MS4A13: variants seen among roughly 807,000 people sequenced by gnomAD.
MS4A13 encodes the protein membrane spanning 4-domains A13.
MS4A13 carries 21 observed loss-of-function variants against 18.4 expected under a neutral mutation model. The ratio of observed to expected loss-of-function variants is 1.14; its 90% CI spans 0.81 to 1.64. The LOEUF is 1.64. MS4A13 is among the 40% of genes most tolerant of loss of function. MS4A13 has a pLI of 0.00. For synonymous variants in MS4A13, 62 were observed against 57.2 expected, an observed-to-expected ratio of 1.08 and a Z score of -0.38; for missense variants, 173 against 176.8, an observed-to-expected ratio of 0.98 and a Z score of 0.12.
Position 60,542,631 on chromosome 11 carries a change from G to T in MS4A13, c.*56G>T, listed in dbSNP as rs2086870348. ...GCTGATGCCTGGTGTGGGTCCTAAT[G>T]ATATCTCTGTATAACAAAGCAGTTA... On this transcript the variant is annotated 3_prime_UTR_variant, in exon 7 of 7. Transcript: ENST00000378186. 9.0e-7 allele frequency: 1 copy of T among 1,116,774 alleles called. No homozygotes were observed. The highest frequency in any genetic ancestry group is 1.4e-5 in the South Asian group (1 of 71,276). The allele number at this position is 1,116,774 out of a possible 1,614,324, so 69.2% of individuals were successfully genotyped here.
chr11:60,538,917 A>C (rs1310311602), intron 6 of MS4A13, among the ~76,000 whole-genome samples: 1 of 130,790 alleles, frequency 7.6e-6, no homozygotes, highest in African/African-American at 2.9e-5. Context: ...GGCCACATGC[A>C]AGGACCAGAA....
chr11:60,519,859 G>A (rs927176129), intron 3 of MS4A13, among the ~76,000 whole-genome samples: 6 of 152,196 alleles, frequency 3.9e-5, no homozygotes, highest in African/African-American at 1.4e-4. Context: ...AGACCCAGGT[G>A]GGGTCAAAGG....
In MS4A13 at chr11:60,542,532, A is replaced by G. The variant is rs901826108; in HGVS notation, c.416A>G (p.Asn139Ser). The G allele has an allele frequency of 2.5e-6, 4 of 1,610,142 alleles. No homozygotes were observed. The highest frequency in any genetic ancestry group is 3.4e-6 in the Non-Finnish European group (4 of 1,177,878). ...CTTTTTTTCCAGTTTCGAAGACAAA[A>G]TGATCTTACATCTGTTACTGAGGAA... ...YSCSNLFRRQ[N>S]DLTSVTEEAE... Residue 139 changes from asparagine to serine, a missense_variant, in exon 7 of 7, where the codon AAT becomes AGT. By Grantham distance (46) the Asn-to-Ser change is conservative. Coordinates refer to ENST00000378186, the MANE Select transcript of MS4A13 (RefSeq NM_001012417.3).
At chr11:60,522,121 A>C (rs2086677905) in intron 3 of MS4A13, among the ~76,000 whole-genome samples, 1 of 151,986 alleles carries the variant, frequency 6.6e-6, no homozygotes, top group South Asian at 2.1e-4. Context: ...TCCCGCCCAC[A>C]ACACATGGGA....
chr11:60,518,756 G>C (rs945706638), intron 3 of MS4A13, among the ~76,000 whole-genome samples: 1 of 152,178 alleles, frequency 6.6e-6, no homozygotes, highest in Non-Finnish European at 1.5e-5. Context: ...TTGACCATTG[G>C]ATTTAGCAAT....
chr11:60,523,096 A>T lies in MS4A13; in HGVS notation c.130-801A>T, dbSNP rs541597089. ...GAGCTAGTTCTTACGTTCACTGTGT[A>T]CCTCCTTAGAAATCTCAGCTTTTGT... On this transcript the variant is annotated intron_variant, in intron 3 of 6. Coordinates refer to ENST00000378186, the MANE Select transcript of MS4A13 (RefSeq NM_001012417.3). Among the ~76,000 whole-genome samples the T allele has an allele frequency of 7.2e-5, 11 of 152,314 alleles. No homozygotes were observed. The East Asian group carries it at 2.1e-3, about 29-fold the overall frequency.
At chr11:60,532,186 G>A (rs1287411536) in intron 6 of MS4A13, among the ~76,000 whole-genome samples, 1 of 152,204 alleles carries the variant, frequency 6.6e-6, no homozygotes, top group Non-Finnish European at 1.5e-5. Flanking sequence ...GGCCGAATAG[G>A]AACAGCTCCG....
At position 60,525,237 on chromosome 11, in the gene MS4A13, T is replaced by C. The variant is rs1450756485; in HGVS notation, c.217T>C (p.Cys73Arg). Residue 73 changes from cysteine (C) to arginine (R), a missense_variant, in exon 5 of 7, where the codon TGC (cysteine) becomes CGC (arginine). Physicochemically the swap from Cys to Arg is radical, Grantham distance 180. Coordinates refer to ENST00000378186, the MANE Select transcript of MS4A13 (RefSeq NM_001012417.3). ...AAGTACTTTAATCATAAACATCATCTGCATAATTACTACAATTACTGCAGT... is the reference window on the plus strand; with the variant it reads ...AAGTACTTTAATCATAAACATCATCCGCATAATTACTACAATTACTGCAGT... ...IISTLIINII[C>R]IITTITAVTL... 6.4e-7 allele frequency: 1 copy of C among 1,567,988 alleles called. No homozygotes were observed. The highest frequency in any genetic ancestry group is 8.8e-7 in the Non-Finnish European group (1 of 1,140,072).
chr11:60,542,731 T>G (rs1295742541), downstream of MS4A13: 3 of 476,638 alleles, frequency 6.3e-6, no homozygotes. Context: ...ATGTCTCTGC[T>G]TATATTTTTC....
chr11:60,527,225 T>C (rs2086719205), intron 5 of MS4A13, among the ~76,000 whole-genome samples: 1 of 152,182 alleles, frequency 6.6e-6, no homozygotes, highest in South Asian at 2.1e-4. Flanking sequence ...TAAGTATTTA[T>C]TAATTAGGGT....
intron 6 of MS4A13, among the ~76,000 whole-genome samples, chr11:60,530,881 C>A (rs944954235): frequency 3.3e-5 from 5 of 151,884 alleles, no homozygotes. Context: ...TCCTCATTCA[C>A]TCAGTCTTCT....
At position 60,532,104 on chromosome 11, in the gene MS4A13, G is replaced by A. The variant is rs1490637206; in HGVS notation, c.402+2644G>A. On this transcript the variant is annotated intron_variant, in intron 6 of 6. Transcript: ENST00000378186. ...TAATAGACATAGCGTCTTTGAGCAA[G>A]GGAAGAATAAATGTTGGACTTAACA... 3.3e-5 allele frequency among the ~76,000 whole-genome samples: 5 copies of A among 152,228 alleles called. No individual in the cohort carries two copies. In the East Asian group the frequency reaches 9.6e-4, roughly 29 times the overall value.
chr11:60,522,556 G>A (rs1351892746), intron 3 of MS4A13, among the ~76,000 whole-genome samples: 3 of 152,090 alleles, frequency 2.0e-5, no homozygotes, highest in Non-Finnish European at 4.4e-5. Context: ...TGCCCATTGA[G>A]ACAGCAATTA....
At position 60,542,639 on chromosome 11, in the gene MS4A13, T is replaced by C. The variant is rs541256616; in HGVS notation, c.*64T>C. 1.6e-5 allele frequency: 16 copies of C among 984,120 alleles called. No individual in the cohort carries two copies. In the African/African-American group the frequency reaches 2.1e-4, roughly 13 times the overall value. The allele number at this position is 984,120 out of a possible 1,614,324, so 61.0% of individuals were successfully genotyped here. A position where few individuals can be genotyped will look rare whatever the true frequency, so the allele number is the denominator to read the frequency against. On this transcript the variant is annotated 3_prime_UTR_variant, in exon 7 of 7. Coordinates refer to ENST00000378186, the MANE Select transcript of MS4A13 (RefSeq NM_001012417.3). ...CTGGTGTGGGTCCTAATGATATCTC[T>C]GTATAACAAAGCAGTTACGAAGCCT...
intron 6 of MS4A13, 87 bp downstream of exon 6, chr11:60,529,547 A>G: frequency 1.7e-6 from 1 of 594,718 alleles, no homozygotes. Context: ...CACTGATACA[A>G]AATATTTAGA....
intron 2 of MS4A13, 113 bp downstream of exon 2, chr11:60,516,197 T>G (rs1230018942): frequency 2.0e-5 from 1 of 49,948 alleles, no homozygotes; most frequent in Non-Finnish European, 6.3e-5. Flanking sequence ...GGGTAAAAGT[T>G]TTTTTTTTTT....
At chr11:60,522,538 A>G (rs556107336) in intron 3 of MS4A13, among the ~76,000 whole-genome samples, 3 of 152,266 alleles carry the variant, frequency 2.0e-5, no homozygotes, top group Admixed American at 2.0e-4. Context: ...TGTAGGATAC[A>G]ATATGGCTGC....
Position 60,529,406 on chromosome 11 carries a change from C to T in MS4A13, c.348C>T (p.Tyr116=), listed in dbSNP as rs11230364. The change falls in exon 6 of 7, where the codon TAC becomes TAT. Residue 116 remains tyrosine (Y), a synonymous_variant. Transcript: ENST00000378186. ...REVSRILLFF[Y]GLEFSIALTH... is the part of the protein sequence containing the mutation. ...TATCACGTATTTTACTGTTCTTCTACGGTTTGGAATTTTCTATTGCACTTA... is the reference window on the plus strand; with the variant it reads ...TATCACGTATTTTACTGTTCTTCTATGGTTTGGAATTTTCTATTGCACTTA... 0.09 allele frequency: 145,101 copies of T among 1,603,636 alleles called. 7,391 individuals are homozygous for T. Among genetic ancestry groups the T allele is most frequent in the South Asian group, 0.16 (13,936 of 89,646 alleles).
chr11:60,516,033 T>C lies in MS4A13; in HGVS notation c.-64T>C, dbSNP rs2086635018. The C allele has an allele frequency of 6.6e-6, 1 of 152,228 alleles. No individual in the cohort carries two copies. Among genetic ancestry groups the C allele is most frequent in the Non-Finnish European group, 1.5e-5 (1 of 68,028 alleles). 9.4% of individuals were successfully genotyped at this position (152,228 alleles called of 1,614,324 possible). A position where few individuals can be genotyped will look rare whatever the true frequency, so the allele number is the denominator to read the frequency against. On this transcript the variant is annotated 5_prime_UTR_variant, in exon 2 of 7. Transcript: ENST00000378186. ...AATCATCTAGAGGAAATGCTGGCAG[T>C]ATGGCATGTGTTCTTTAACAAATCT...
Sources: allele counts gnomAD v4.1 joint callset (sites outside exome capture counted in the v4.1 genomes callset), GRCh38; gene constraint gnomAD v4.1.1; transcripts MANE v1.5; gene names NCBI Gene and HGNC (gene_info 2026-07-23, HGNC 2026-07-21).